ZNF875: variants seen among roughly 807,000 people sequenced by gnomAD.
ZNF875 encodes the protein HKR1, GLI-Kruppel zinc finger family member.
ZNF875 carries 14 observed loss-of-function variants against 11.2 expected under a neutral mutation model. The observed-to-expected ratio is 1.26, with a 90% CI of 0.83 to 1.96. The LOEUF (loss-of-function observed/expected upper bound fraction) is 1.96, where lower values mean the gene tolerates loss of function less well. ZNF875 is among the 30% of genes most tolerant of loss of function. The pLI is 0.00. For missense variants in ZNF875, 752 were observed against 760.4 expected, an observed-to-expected ratio of 0.99 and a Z score of 0.13; for synonymous variants, 301 against 281.1, an observed-to-expected ratio of 1.07 and a Z score of -0.71.
upstream of ZNF875, among the ~76,000 whole-genome samples, chr19:37,331,113 G>A (rs1033907893): frequency 6.0e-5 from 9 of 151,102 alleles, no homozygotes; most frequent in African/African-American, 2.2e-4. Flanking sequence ...CGTGAACCTG[G>A]GAGGCGGAGC....
At chr19:37,324,387 G>T (rs1393693902) in intron 4 of ZNF875, 1 of 152,110 alleles carries the variant, frequency 6.6e-6, no homozygotes, top group African/African-American at 2.4e-5. Flanking sequence ...TGACCCATCT[G>T]TAGACCTCAG....
chr19:37,336,803 G>T (rs2034538019), intron 2 of ZNF875, among the ~76,000 whole-genome samples: 1 of 151,884 alleles, frequency 6.6e-6, no homozygotes, highest in African/African-American at 2.4e-5. Flanking sequence ...AGCTACTCGG[G>T]AGGCTGAGGC....
intron 4 of ZNF875, among the ~76,000 whole-genome samples, chr19:37,353,516 C>A (rs1839185379): frequency 6.6e-6 from 1 of 152,178 alleles, no homozygotes; most frequent in African/African-American, 2.4e-5. Flanking sequence ...TTCTTATGCT[C>A]TTCACTCCTT....
In ZNF875 at chr19:37,364,063, C is replaced by T; in HGVS notation, c.*288C>T. 2.6e-6 allele frequency: 1 copy of T among 382,670 alleles called. No homozygotes were observed. The highest frequency in any genetic ancestry group is 4.7e-6 in the Non-Finnish European group (1 of 211,398). 23.7% of individuals were successfully genotyped at this position (382,670 alleles called of 1,614,324 possible). Reference sequence around the variant, plus strand: ...GATAGTGGCAGGAGGCAGTCAAATGCCCAGGCAGATAGGGGTGGGTACCTG... The same window carrying T: ...GATAGTGGCAGGAGGCAGTCAAATGTCCAGGCAGATAGGGGTGGGTACCTG... On this transcript the variant is annotated 3_prime_UTR_variant, in exon 5 of 5. Coordinates refer to ENST00000392153, the MANE Select transcript of ZNF875 (RefSeq NM_001353803.2).
chr19:37,347,006 G>A (rs754105024), intron 2 of ZNF875, 184 bp from the exon 3 acceptor site: 6 of 602,676 alleles, frequency 1.0e-5, no homozygotes, highest in South Asian at 7.6e-5. Context: ...TAGTAGAGAC[G>A]GGGTTTCTCC....
upstream of ZNF875, among the ~76,000 whole-genome samples, chr19:37,314,627 G>A (rs747440152): frequency 2.0e-5 from 3 of 149,480 alleles, no homozygotes; most frequent in African/African-American, 7.4e-5. Flanking sequence ...AAGTTCGAGA[G>A]CATTCTAGCC....
chr19:37,331,708 T>C (rs1217227141), upstream of ZNF875, among the ~76,000 whole-genome samples: 1 of 147,938 alleles, frequency 6.8e-6, no homozygotes, highest in East Asian at 2.0e-4. Flanking sequence ...GACCTCTGCC[T>C]AGGAAAGCCA....
chr19:37,313,300 C>T (rs1034659172), upstream of ZNF875: 2 of 152,282 alleles, frequency 1.3e-5, no homozygotes, highest in Non-Finnish European at 2.9e-5. Flanking sequence ...AGAGCCTCTC[C>T]AGCCAGAACC....
rs2036976504 is a variant in ZNF875 at position 37,347,251 on chromosome 19, G to A, written c.95G>A (p.Ser32Asn). 6.2e-7 allele frequency: 1 copy of A among 1,614,036 alleles called. No homozygotes were observed. Among genetic ancestry groups the A allele is most frequent in the Admixed American group, 1.7e-5 (1 of 60,004 alleles). ...YFTQEEWRLLSPAQRTLHREV... is the reference protein window; with the variant it reads ...YFTQEEWRLLNPAQRTLHREV... ...ACCCAGGAGGAGTGGAGGTTGTTGA[G>A]CCCTGCTCAGAGGACCCTGCACAGG... The change falls in exon 3 of 5, where the codon AGC (serine) becomes AAC (asparagine). Residue 32 changes from serine to asparagine, a missense_variant. Ser to Asn is a conservative substitution (Grantham distance 46). Transcript: ENST00000392153.
upstream of ZNF875, chr19:37,315,471 G>A (rs950135646): frequency 6.6e-6 from 1 of 152,182 alleles, no homozygotes; most frequent in Non-Finnish European, 1.5e-5. Context: ...TCTGTGGCTG[G>A]AGATTCGAGT....
chr19:37,343,532 A>C (rs548615532), intron 2 of ZNF875, among the ~76,000 whole-genome samples: 1 of 151,908 alleles, frequency 6.6e-6, no homozygotes, highest in Non-Finnish European at 1.5e-5. Context: ...GATGGTCTCA[A>C]CCTGTCTGGT....
chr19:37,348,318 T>C (rs1280169780), intron 4 of ZNF875, among the ~76,000 whole-genome samples: 1 of 152,224 alleles, frequency 6.6e-6, no homozygotes, highest in Non-Finnish European at 1.5e-5. Flanking sequence ...CATGTGCCAA[T>C]GTCCCAGCTT....
At chr19:37,326,796 T>C (rs1315773629) in intron 4 of ZNF875, among the ~76,000 whole-genome samples, 1 of 149,766 alleles carries the variant, frequency 6.7e-6, no homozygotes, top group East Asian at 2.0e-4. Flanking sequence ...GCCTCCCGAG[T>C]ACCCGGGATT....
At chr19:37,341,531 G>T (rs185808855) in intron 2 of ZNF875, among the ~76,000 whole-genome samples, 3 of 152,126 alleles carry the variant, frequency 2.0e-5, no homozygotes, top group Admixed American at 2.0e-4. Flanking sequence ...TAGTTTTAAC[G>T]TTTTGGCTTT....
intron 1 of ZNF875, among the ~76,000 whole-genome samples, chr19:37,321,976 T>TA (rs1308520094): frequency 6.6e-6 from 1 of 152,200 alleles, no homozygotes; most frequent in Non-Finnish European, 1.5e-5. Context: ...TATATGGCAT[T>TA]ATTCTGAGGA....
In ZNF875 at chr19:37,363,818, G is replaced by C. The variant is rs1258584092; in HGVS notation, c.*43G>C. The stretch of plus-strand genomic sequence containing the variant: ...GGAATGTGGTACAGCCTTTAGCCAG[G>C]AGTCATACTTCATCAGACACCAGAG... On this transcript the variant is annotated 3_prime_UTR_variant, in exon 5 of 5. Transcript: ENST00000392153. 1.3e-6 allele frequency: 2 copies of C among 1,523,076 alleles called. No homozygotes were observed. Among genetic ancestry groups the C allele is most frequent in the African/African-American group, 2.7e-5 (2 of 73,060 alleles). 94.3% of individuals were successfully genotyped at this position (1,523,076 alleles called of 1,614,324 possible). A position where few individuals can be genotyped will look rare whatever the true frequency, so the allele number is the denominator to read the frequency against.
chr19:37,330,111 G>A (rs1475894773), upstream of ZNF875, among the ~76,000 whole-genome samples: 1 of 151,810 alleles, frequency 6.6e-6, no homozygotes, highest in Non-Finnish European at 1.5e-5. Context: ...GAAAAATAAA[G>A]AATATTTTTT....
At chr19:37,336,498 A>G (rs2034453661) in intron 2 of ZNF875, among the ~76,000 whole-genome samples, 2 of 149,058 alleles carry the variant, frequency 1.3e-5, no homozygotes, top group Non-Finnish European at 3.0e-5. Context: ...ACGGGGTTTC[A>G]CCGTGTCAGC....
chr19:37,314,145 C>G (rs1946885125), upstream of ZNF875, among the ~76,000 whole-genome samples: 1 of 152,068 alleles, frequency 6.6e-6, no homozygotes, highest in Admixed American at 6.5e-5. Flanking sequence ...CATGGTCTCC[C>G]TCTTTCACCC....
Sources: gnomAD v4.1 joint callset for allele counts (sites outside exome capture counted in the v4.1 genomes callset) on GRCh38, gnomAD v4.1.1 for gene constraint, MANE v1.5 for transcripts, NCBI Gene and HGNC (gene_info 2026-07-23, HGNC 2026-07-21) for gene names.